CHST15: variants seen among roughly 807,000 people sequenced by gnomAD.
CHST15 encodes carbohydrate sulfotransferase 15.
A neutral mutation model predicts 53.6 loss-of-function variants in CHST15; 30 were observed. That is an observed-to-expected ratio of 0.56 (90% confidence interval 0.42 to 0.76). The LOEUF is 0.76. Among genes scored for constraint, CHST15 ranks in the 30% least tolerant of loss-of-function variants. The pLI, the probability that CHST15 is intolerant of heterozygous loss-of-function variation, is 0.00. For missense variants in CHST15, 627 were observed against 740.5 expected (o/e 0.85, Z 1.78); for synonymous variants, 296 against 289.8 (o/e 1.02, Z -0.22).
At chr10:124,076,455 T>C (rs1949072978) in intron 1 of CHST15, among the ~76,000 whole-genome samples, 1 of 152,220 alleles carries the variant, frequency 6.6e-6, no homozygotes, top group African/African-American at 2.4e-5. Context: ...GGGCATTTCC[T>C]AAGCGTGTGC....
At chr10:124,046,769 C>T (rs1948018470) in intron 1 of CHST15, 45 bp from the exon 2 acceptor site, 2 of 152,288 alleles carry the variant, frequency 1.3e-5, no homozygotes, top group Admixed American at 6.5e-5. Context: ...GTGGTAATAG[C>T]AATAACCCAA....
At chr10:124,064,407 C>G (rs1413065321) in intron 1 of CHST15, among the ~76,000 whole-genome samples, 1 of 152,232 alleles carries the variant, frequency 6.6e-6, no homozygotes, top group Admixed American at 6.5e-5. Context: ...CCCATCCTTG[C>G]AAAGGTACAG....
chr10:124,091,108 G>T (rs1006955142), intron 1 of CHST15, among the ~76,000 whole-genome samples: 16 of 152,234 alleles, frequency 1.1e-4, no homozygotes, highest in Middle Eastern at 3.2e-3. Flanking sequence ...TGGCAAGAAA[G>T]AAAATCTTCT....
chr10:124,011,550 G>T, intron 7 of CHST15: 1 of 985,476 alleles, frequency 1.0e-6, no homozygotes, highest in Non-Finnish European at 1.2e-6. Flanking sequence ...GAGGCGTTCT[G>T]GGAAGGAGGG....
intron 1 of CHST15, among the ~76,000 whole-genome samples, chr10:124,066,736 G>A (rs891172877): frequency 2.0e-5 from 3 of 152,198 alleles, no homozygotes; most frequent in African/African-American, 7.2e-5. Flanking sequence ...TTTCATCTTA[G>A]GATGGGGGCA....
chr10:124,058,725 G>A (rs1948465418), intron 1 of CHST15, among the ~76,000 whole-genome samples: 1 of 152,210 alleles, frequency 6.6e-6, no homozygotes, highest in Non-Finnish European at 1.5e-5. Flanking sequence ...ATAGCACAGA[G>A]TAAGTGCTCA....
intron 5 of CHST15, among the ~76,000 whole-genome samples, chr10:124,025,827 T>C (rs550302717): frequency 6.6e-6 from 1 of 152,262 alleles, no homozygotes; most frequent in South Asian, 2.1e-4. Flanking sequence ...GCGGCGTCTA[T>C]GAGCCAAGGA....
intron 5 of CHST15, among the ~76,000 whole-genome samples, chr10:124,026,571 G>C (rs955334210): frequency 6.6e-6 from 1 of 152,184 alleles, no homozygotes; most frequent in Non-Finnish European, 1.5e-5. Context: ...GAGGAAGTGG[G>C]GGAAGGAGAC....
chr10:124,023,945 G>C (rs1946895095), intron 5 of CHST15, among the ~76,000 whole-genome samples: 1 of 151,696 alleles, frequency 6.6e-6, no homozygotes, highest in Non-Finnish European at 1.5e-5. Flanking sequence ...CCGGGTTCAA[G>C]CAATTCTCCT....
At chr10:124,080,783 C>A (rs572669706) in intron 1 of CHST15, among the ~76,000 whole-genome samples, 18 of 152,222 alleles carry the variant, frequency 1.2e-4, no homozygotes, top group Non-Finnish European at 2.5e-4. Flanking sequence ...CACTCACCAT[C>A]CCTGCACTAT....
Position 124,009,845 on chromosome 10 carries a change from T to C in CHST15, c.*304A>G. 10 of 1,185,908 alleles carry C rather than the reference T, an allele frequency of 8.4e-6. No homozygotes were observed. Among genetic ancestry groups the C allele is most frequent in the Non-Finnish European group, 1.0e-5 (10 of 952,608 alleles). 73.5% of individuals were successfully genotyped at this position (1,185,908 alleles called of 1,614,324 possible). A position where few individuals can be genotyped will look rare whatever the true frequency, so the allele number is the denominator to read the frequency against. Reference sequence around the variant, plus strand: ...CAGGCTGCCTTCCCTAGGTGTTCTCTCCACACCCAGTGCAGGCCAGCTGGC... The same window carrying C: ...CAGGCTGCCTTCCCTAGGTGTTCTCCCCACACCCAGTGCAGGCCAGCTGGC... On this transcript the variant is annotated 3_prime_UTR_variant, in exon 8 of 8. Transcript: ENST00000435907.
chr10:124,010,090 G>C lies in CHST15; in HGVS notation c.*59C>G. On this transcript the variant is annotated 3_prime_UTR_variant, in exon 8 of 8. Coordinates refer to ENST00000435907, the MANE Select transcript of CHST15 (RefSeq NM_001270764.2). Reference sequence around the variant, plus strand: ...GAAACAGTTCCCCGCAAAGAGATTTGTAAAATCCTGATGATGACGGCATTG... The same window carrying C: ...GAAACAGTTCCCCGCAAAGAGATTTCTAAAATCCTGATGATGACGGCATTG... 1 of 1,611,278 alleles carries C rather than the reference G, an allele frequency of 6.2e-7. No homozygotes were observed.
chr10:124,092,076 T>C (rs926689290), intron 1 of CHST15, among the ~76,000 whole-genome samples: 2 of 151,458 alleles, frequency 1.3e-5, no homozygotes, highest in African/African-American at 4.8e-5. Flanking sequence ...CCACGGCTCT[T>C]CATTCATTTT....
At chr10:124,064,204 C>T (rs144862843) in intron 1 of CHST15, among the ~76,000 whole-genome samples, 21 of 152,014 alleles carry the variant, frequency 1.4e-4, no homozygotes, top group Admixed American at 1.0e-3. Flanking sequence ...AATAGACTTA[C>T]GAAAAGTCAT....
intron 1 of CHST15, among the ~76,000 whole-genome samples, chr10:124,058,483 G>A (rs1009653223): frequency 2.0e-5 from 3 of 152,202 alleles, no homozygotes; most frequent in Admixed American, 2.0e-4. Context: ...CCAGTGGTGG[G>A]GCCAAAATCC....
At chr10:124,031,340 T>C (rs1035747581) in intron 5 of CHST15, among the ~76,000 whole-genome samples, 1 of 152,190 alleles carries the variant, frequency 6.6e-6, no homozygotes, top group Non-Finnish European at 1.5e-5. Flanking sequence ...GGGATATATA[T>C]GTTCTGAGAA....
At chr10:124,034,230 G>C (rs1947334066) in intron 5 of CHST15, among the ~76,000 whole-genome samples, 1 of 152,198 alleles carries the variant, frequency 6.6e-6, no homozygotes, top group Admixed American at 6.5e-5. Flanking sequence ...GGACCAGGGA[G>C]GCAAGAAGCT....
intron 1 of CHST15, among the ~76,000 whole-genome samples, chr10:124,061,958 T>C (rs1400459430): frequency 1.3e-5 from 2 of 151,468 alleles, no homozygotes; most frequent in East Asian, 3.9e-4. Context: ...CCCTCCTTTC[T>C]CAAGTTATCT....
chr10:124,082,116 G>A (rs1949267650), intron 1 of CHST15, among the ~76,000 whole-genome samples: 1 of 152,294 alleles, frequency 6.6e-6, no homozygotes, highest in South Asian at 2.1e-4. Flanking sequence ...ACAGATGGGT[G>A]AAAGGAAAAC....
Sources: allele counts gnomAD v4.1 joint callset (sites outside exome capture counted in the v4.1 genomes callset), GRCh38; gene constraint gnomAD v4.1.1; transcripts MANE v1.5; gene names NCBI Gene and HGNC (gene_info 2026-07-23, HGNC 2026-07-21).